KIAA1217: variants seen among roughly 807,000 people sequenced by gnomAD.
KIAA1217 encodes the protein sickle tail protein homolog.
A neutral mutation model predicts 163.9 loss-of-function variants in KIAA1217; 88 were observed. The ratio of observed to expected loss-of-function variants is 0.54; its 90% CI spans 0.45 to 0.64. The LOEUF is 0.64. Among genes scored for constraint, KIAA1217 ranks in the 30% least tolerant of loss-of-function variants. The pLI is 0.00. For synonymous variants in KIAA1217, 903 were observed against 923.1 expected, an observed-to-expected ratio of 0.98 and a Z score of 0.39; for missense variants, 2,372 against 2,475.0, an observed-to-expected ratio of 0.96 and a Z score of 0.88.
chr10:24,536,653 C>T (rs921441143), intron 16 of KIAA1217, 121 bp from the exon 17 acceptor site: 7 of 999,348 alleles, frequency 7.0e-6, no homozygotes, highest in South Asian at 1.7e-5. Flanking sequence ...GCCTCCCTGG[C>T]CTAAACCTGC....
At chr10:24,061,267 G>A (rs2060711771) in intron 2 of KIAA1217, among the ~76,000 whole-genome samples, 2 of 151,788 alleles carry the variant, frequency 1.3e-5, no homozygotes, top group South Asian at 4.2e-4. Context: ...TCACACATAA[G>A]ACCTCTACAC....
intron 1 of KIAA1217, among the ~76,000 whole-genome samples, chr10:23,857,617 G>T (rs532704494): frequency 1.3e-5 from 2 of 152,244 alleles, no homozygotes; most frequent in African/African-American, 4.8e-5. Flanking sequence ...TCGGGGCCCA[G>T]GAATTTGCAT....
intron 1 of KIAA1217, among the ~76,000 whole-genome samples, chr10:23,871,347 A>G (rs1266672926): frequency 6.6e-6 from 1 of 151,942 alleles, no homozygotes; most frequent in Admixed American, 6.6e-5. Flanking sequence ...CTGACCACCA[A>G]CTGTTACTCT....
chr10:24,288,966 A>C (rs556767810), intron 2 of KIAA1217, among the ~76,000 whole-genome samples: 1 of 152,318 alleles, frequency 6.6e-6, no homozygotes, highest in East Asian at 1.9e-4. Flanking sequence ...CTGCTTCTAG[A>C]TGCCCTGCAA....
At chr10:24,055,676 G>C (rs918996377) in intron 2 of KIAA1217, among the ~76,000 whole-genome samples, 2 of 151,974 alleles carry the variant, frequency 1.3e-5, no homozygotes, top group Non-Finnish European at 2.9e-5. Context: ...GGGCTTATTT[G>C]CTACTTCAAT....
At chr10:24,210,306 A>G (rs2067906078) in intron 1 of KIAA1217, among the ~76,000 whole-genome samples, 1 of 152,208 alleles carries the variant, frequency 6.6e-6, no homozygotes, top group Non-Finnish European at 1.5e-5. Context: ...AGTGAAATGC[A>G]GAAAACTTGA....
chr10:23,813,424 T>A (rs1837168096), intron 1 of KIAA1217, among the ~76,000 whole-genome samples: 1 of 152,082 alleles, frequency 6.6e-6, no homozygotes, highest in Non-Finnish European at 1.5e-5. Context: ...CCTTGTCCTG[T>A]CCTATTCTTT....
At chr10:23,993,056 G>A (rs1003012859) in intron 1 of KIAA1217, among the ~76,000 whole-genome samples, 2 of 130,398 alleles carry the variant, frequency 1.5e-5, no homozygotes, top group African/African-American at 2.8e-5. Flanking sequence ...TTTTGAGATG[G>A]AGTCTTACTC....
rs548101325 is a variant in KIAA1217 at position 23,755,729 on chromosome 10, T to C, written c.-321+60495T>C. Among the ~76,000 whole-genome samples the C allele has an allele frequency of 9.2e-5, 14 of 152,306 alleles. No individual in the cohort carries two copies. The South Asian group carries it at 1.5e-3, about 16-fold the overall frequency. On this transcript the variant is annotated intron_variant, in intron 1 of 18. Coordinates refer to the KIAA1217 transcript ENST00000376462. ...CAAAATAAGAAGTTTGACTGTGCTG[T>C]GTATCACTGAGAGCCTGCTGAACAG...
chr10:24,178,592 T>C (rs2066018071), intron 2 of KIAA1217, among the ~76,000 whole-genome samples: 1 of 152,248 alleles, frequency 6.6e-6, no homozygotes, highest in South Asian at 2.1e-4. Context: ...AGATTCCTTT[T>C]CACTGCCCAT....
intron 2 of KIAA1217, among the ~76,000 whole-genome samples, chr10:24,175,171 G>A (rs957223818): frequency 2.0e-5 from 3 of 152,046 alleles, no homozygotes; most frequent in African/African-American, 4.8e-5. Context: ...CCAATGTGTA[G>A]TCTTTTATCC....
chr10:24,065,273 G>T (rs573970468), intron 2 of KIAA1217, among the ~76,000 whole-genome samples: 128 of 151,898 alleles, frequency 8.4e-4, no homozygotes, highest in Middle Eastern at 3.4e-3. Context: ...TTCTCTTGTG[G>T]GCATTTAGTG....
intron 1 of KIAA1217, among the ~76,000 whole-genome samples, chr10:23,748,481 G>GAAGGAAGGAAGT (rs1227455107): frequency 2.1e-5 from 3 of 144,504 alleles, no homozygotes; most frequent in African/African-American, 7.7e-5. Flanking sequence ...AGGAAGGAAG[G>GAAGGAAGGAAGT]AAGGAAGGAA....
intron 3 of KIAA1217, among the ~76,000 whole-genome samples, chr10:24,419,256 G>A (rs2058538706): frequency 6.6e-6 from 1 of 151,848 alleles, no homozygotes; most frequent in Non-Finnish European, 1.5e-5. Context: ...CAGAAGCTAA[G>A]GGCCATAACT....
In KIAA1217 at chr10:24,415,800, G is replaced by T. The variant is rs551794695; in HGVS notation, c.554-17195G>T. Among the ~76,000 whole-genome samples, 123 of 152,282 alleles carry T rather than the reference G, an allele frequency of 8.1e-4. 3 individuals are homozygous for T. Among genetic ancestry groups the T allele is most frequent in the Non-Finnish European group, 1.8e-4 (12 of 68,022 alleles). Reference sequence around the variant, plus strand: ...CCCTCAGGAACCCCTTTATTGCTCTGGCCAGGGCTGAGAGAAGGACATTCC... The same window carrying T: ...CCCTCAGGAACCCCTTTATTGCTCTTGCCAGGGCTGAGAGAAGGACATTCC... On this transcript the variant is annotated intron_variant, in intron 3 of 20. Transcript: ENST00000376454.
rs114024164 is a variant in KIAA1217, at chr10:24,007,495, G to A, written c.-171+121G>A. 212 of 152,308 alleles carry A rather than the reference G, an allele frequency of 1.4e-3. 1 individual carries two copies. The highest frequency in any genetic ancestry group is 5.0e-3 in the African/African-American group (206 of 41,562). 9.4% of individuals were successfully genotyped at this position (152,308 alleles called of 1,614,324 possible). A position where few individuals can be genotyped will look rare whatever the true frequency, so the allele number is the denominator to read the frequency against. On this transcript the variant is annotated intron_variant, in intron 2 of 18. Coordinates refer to the KIAA1217 transcript ENST00000376462. ...TCTGTTCATTCCCTCTCTGAGCTCA[G>A]TGGAACAAAATGTCCAAATTGAACC...
intron 6 of KIAA1217, among the ~76,000 whole-genome samples, chr10:24,476,563 A>G (rs943917527): frequency 6.6e-6 from 1 of 152,228 alleles, no homozygotes; most frequent in African/African-American, 2.4e-5. Flanking sequence ...AAACAGATGA[A>G]TATTCACCTA....
At chr10:24,281,237 C>A (rs1372489358) in intron 2 of KIAA1217, among the ~76,000 whole-genome samples, 1 of 152,136 alleles carries the variant, frequency 6.6e-6, no homozygotes, top group Admixed American at 6.5e-5. Flanking sequence ...AATATTAACA[C>A]AGTTATTATC....
intron 2 of KIAA1217, among the ~76,000 whole-genome samples, chr10:24,288,511 T>C (rs1397781544): frequency 6.6e-6 from 1 of 152,218 alleles, no homozygotes; most frequent in East Asian, 1.9e-4. Flanking sequence ...GCAGTTCCAT[T>C]AACCTGTCCT....
Sources: allele counts gnomAD v4.1 joint callset (sites outside exome capture counted in the v4.1 genomes callset), GRCh38; gene constraint gnomAD v4.1.1; transcripts MANE v1.5; gene names NCBI Gene and HGNC (gene_info 2026-07-23, HGNC 2026-07-21).